Variants in CNTNAP4 observed in about 807,000 individuals in gnomAD.
The protein encoded by CNTNAP4 is contactin associated protein family member 4, also known as contactin-associated protein-like 4.
Under a neutral mutation model 148.4 loss-of-function variants are expected in CNTNAP4, and 98 were observed. The observed-to-expected ratio is 0.66, with a 90% CI of 0.56 to 0.78. CNTNAP4 has a LOEUF of 0.78. CNTNAP4 is among the 30% of genes least tolerant of loss of function. The pLI, the probability that CNTNAP4 is intolerant of heterozygous loss-of-function variation, is 0.00. For missense variants in CNTNAP4, 1,935 were observed against 1,565.6 expected, an observed-to-expected ratio of 1.24 and a Z score of -3.98; for synonymous variants, 730 against 565.1, an observed-to-expected ratio of 1.29 and a Z score of -4.14.
chr16:76,536,702 ATAG>A lies in CNTNAP4; in HGVS notation c.2995+922_2995+924del, dbSNP rs1287236003. 3.9e-5 allele frequency among the ~76,000 whole-genome samples: 6 copies of A among 152,346 alleles called. No individual in the cohort carries two copies. The East Asian group carries it at 9.6e-4, about 24-fold the overall frequency. On this transcript the variant is annotated intron_variant, in intron 18 of 23. Transcript: ENST00000611870. Reference sequence around the variant, plus strand: ...GTTGAATATCTGCTGGTGAAATAAAATAGTAGAATACTTTTCAGCTTCTCTCAT... The same window carrying A: ...GTTGAATATCTGCTGGTGAAATAAAATAGAATACTTTTCAGCTTCTCTCAT...
At chr16:76,312,065 C>T (rs1293752213) in intron 1 of CNTNAP4, among the ~76,000 whole-genome samples, 1 of 152,156 alleles carries the variant, frequency 6.6e-6, no homozygotes, top group Non-Finnish European at 1.5e-5. Context: ...AAAGTTCTAG[C>T]TGTGAGATTA....
At chr16:76,356,228 T>C (rs532869137) in intron 3 of CNTNAP4, among the ~76,000 whole-genome samples, 1 of 152,186 alleles carries the variant, frequency 6.6e-6, no homozygotes, top group Non-Finnish European at 1.5e-5. Context: ...TTATTTCTTC[T>C]GATAACTGAG....
chr16:76,474,796 C>G (rs2081504279), intron 10 of CNTNAP4, among the ~76,000 whole-genome samples: 1 of 152,120 alleles, frequency 6.6e-6, no homozygotes, highest in African/African-American at 2.4e-5. Context: ...ACCCAAAAGA[C>G]TTTCGTAACA....
intron 1 of CNTNAP4, among the ~76,000 whole-genome samples, chr16:76,293,088 T>C (rs1959168796): frequency 6.6e-6 from 1 of 152,176 alleles, no homozygotes; most frequent in Non-Finnish European, 1.5e-5. Flanking sequence ...GCTCTCTTTA[T>C]AGTTATGCCT....
chr16:76,512,510 A>T (rs1438145261), intron 15 of CNTNAP4, among the ~76,000 whole-genome samples: 1 of 152,200 alleles, frequency 6.6e-6, no homozygotes, highest in Non-Finnish European at 1.5e-5. Context: ...CTAATCAATT[A>T]GAGGGAAAGA....
rs1356706901 is a variant in CNTNAP4, at chr16:76,508,540, G to A, written c.2365+9846G>A. Among the ~76,000 whole-genome samples, 56 of 67,942 alleles carry A rather than the reference G, an allele frequency of 8.2e-4. 7 individuals carry two copies. Among genetic ancestry groups the A allele is most frequent in the African/African-American group, 1.9e-3 (54 of 28,072 alleles). 44.6% of individuals were successfully genotyped at this position (67,942 alleles called of 152,430 possible). ...ATGGTCTATTTTGCTTTTTTTTTTT[G>A]TTCACTTTTTTATTACCAACCAATA... On this transcript the variant is annotated intron_variant, in intron 15 of 23. Coordinates refer to ENST00000611870, the MANE Select transcript of CNTNAP4 (RefSeq NM_033401.5).
chr16:76,330,982 T>C (rs1963454494), intron 2 of CNTNAP4, among the ~76,000 whole-genome samples: 1 of 152,238 alleles, frequency 6.6e-6, no homozygotes, highest in Non-Finnish European at 1.5e-5. Context: ...GTGATTATTT[T>C]ACTAAAGTTT....
intron 13 of CNTNAP4, among the ~76,000 whole-genome samples, chr16:76,491,449 C>T (rs1459834212): frequency 1.3e-5 from 2 of 152,180 alleles, no homozygotes; most frequent in Non-Finnish European, 1.5e-5. Context: ...ATACCAGCCT[C>T]ACAGGGTTGC....
At position 76,340,804 on chromosome 16, in the gene CNTNAP4, A is replaced by G. The variant is rs13339483; in HGVS notation, c.197-14514A>G. ...CTCTGATTAATACAACAACCCCAAG[A>G]TTACTCTTTTTCTCTCTGCTAAAAT... On this transcript the variant is annotated intron_variant, in intron 2 of 23. Coordinates refer to ENST00000611870, the MANE Select transcript of CNTNAP4 (RefSeq NM_033401.5). Among the ~76,000 whole-genome samples, 1,514 of 152,236 alleles carry G rather than the reference A, an allele frequency of 9.9e-3. 24 individuals are homozygous for G. Among genetic ancestry groups the G allele is most frequent in the African/African-American group, 0.034 (1,423 of 41,548 alleles).
chr16:76,425,873 G>C (rs1231067359), intron 3 of CNTNAP4, among the ~76,000 whole-genome samples: 1 of 152,096 alleles, frequency 6.6e-6, no homozygotes, highest in Non-Finnish European at 1.5e-5. Context: ...AGAAAGTGTT[G>C]GGGATGGCAT....
intron 4 of CNTNAP4, among the ~76,000 whole-genome samples, chr16:76,428,784 C>A (rs976234732): frequency 6.6e-6 from 1 of 152,032 alleles, no homozygotes; most frequent in Non-Finnish European, 1.5e-5. Context: ...ATATTAATAG[C>A]ATTCCTTTCT....
At chr16:76,315,800 G>T (rs1291431432) in intron 1 of CNTNAP4, among the ~76,000 whole-genome samples, 1 of 151,980 alleles carries the variant, frequency 6.6e-6, no homozygotes, top group Non-Finnish European at 1.5e-5. Flanking sequence ...TCACCATGTT[G>T]GCTAGGCTTG....
At chr16:76,395,276 T>TG (rs2078159073) in intron 3 of CNTNAP4, among the ~76,000 whole-genome samples, 1 of 151,840 alleles carries the variant, frequency 6.6e-6, no homozygotes, top group African/African-American at 2.4e-5. Context: ...GATTCTTTTT[T>TG]TTTTTTTGAG....
intron 3 of CNTNAP4, among the ~76,000 whole-genome samples, chr16:76,378,337 G>C (rs2015635081): frequency 6.6e-6 from 1 of 152,158 alleles, no homozygotes; most frequent in Admixed American, 6.5e-5. Flanking sequence ...AAGATCGTTG[G>C]AAGAAAGAGA....
At position 76,439,411 on chromosome 16, in the gene CNTNAP4, C is replaced by G. The variant is rs201952613; in HGVS notation, c.539-8601C>G. 2.6e-5 allele frequency among the ~76,000 whole-genome samples: 4 copies of G among 152,064 alleles called. No homozygotes were observed. The East Asian group carries it at 7.7e-4, about 29-fold the overall frequency. On this transcript the variant is annotated intron_variant, in intron 4 of 23. Transcript: ENST00000611870. ...TATTTCCATTTGATCCCTCTAGCATCTTTGTGTAGTATGAGAGGCTGGAAT... is the reference window on the plus strand; with the variant it reads ...TATTTCCATTTGATCCCTCTAGCATGTTTGTGTAGTATGAGAGGCTGGAAT...
chr16:76,540,585 T>C (rs1299101662), intron 20 of CNTNAP4, 118 bp from the exon 21 acceptor site: 2 of 546,878 alleles, frequency 3.7e-6, no homozygotes, highest in South Asian at 2.9e-5. Flanking sequence ...TTCTAAATGT[T>C]TGGGGCCATG....
At chr16:76,531,961 G>C (rs965003736) in intron 17 of CNTNAP4, among the ~76,000 whole-genome samples, 2 of 152,044 alleles carry the variant, frequency 1.3e-5, no homozygotes, top group African/African-American at 4.8e-5. Flanking sequence ...TATTATCTAA[G>C]CATATATTTC....
At chr16:76,375,987 G>A (rs183005813) in intron 3 of CNTNAP4, among the ~76,000 whole-genome samples, 157 of 152,218 alleles carry the variant, frequency 1.0e-3, no homozygotes, top group South Asian at 2.1e-3. Context: ...TAAAATAAGC[G>A]TAGCAATACT....
intron 17 of CNTNAP4, among the ~76,000 whole-genome samples, chr16:76,533,385 G>T (rs140850104): frequency 2.0e-5 from 3 of 152,142 alleles, no homozygotes; most frequent in Non-Finnish European, 4.4e-5. Context: ...TACTATTACA[G>T]CTAGACAGGA....
Sources: allele counts gnomAD v4.1 joint callset (sites outside exome capture counted in the v4.1 genomes callset), GRCh38; gene constraint gnomAD v4.1.1; transcripts MANE v1.5; gene names NCBI Gene and HGNC (gene_info 2026-07-23, HGNC 2026-07-21).